SCIN: variants seen among roughly 807,000 people sequenced by gnomAD.
The protein encoded by SCIN is adseverin.
A neutral mutation model predicts 91.8 loss-of-function variants in SCIN; 91 were observed. The ratio of observed to expected loss-of-function variants is 0.99; its 90% CI spans 0.84 to 1.18. The LOEUF (loss-of-function observed/expected upper bound fraction) is 1.18. SCIN is among the 50% of genes most tolerant of loss of function. The pLI, the probability that SCIN is intolerant of heterozygous loss-of-function variation, is 0.00. For missense variants in SCIN, 1,087 were observed against 863.9 expected, an observed-to-expected ratio of 1.26 and a Z score of -3.24; for synonymous variants, 367 against 312.6, an observed-to-expected ratio of 1.17 and a Z score of -1.84.
chr7:12,604,773 T>G, intron 4 of SCIN, 110 bp downstream of exon 4: 274 of 745,120 alleles, frequency 3.7e-4, no homozygotes, highest in Non-Finnish European at 5.3e-4. Flanking sequence ...GGGAAAGAGA[T>G]TCAACACATG....
intron 3 of SCIN, among the ~76,000 whole-genome samples, chr7:12,588,687 G>A (rs772440839): frequency 6.6e-6 from 1 of 151,634 alleles, no homozygotes; most frequent in Non-Finnish European, 1.5e-5. Flanking sequence ...CACGTTTCTC[G>A]TGACCTCCCC....
intron 1 of SCIN, among the ~76,000 whole-genome samples, chr7:12,575,862 T>A (rs1782359463): frequency 6.6e-6 from 1 of 152,180 alleles, no homozygotes; most frequent in Admixed American, 6.5e-5. Context: ...TGGATTTGAT[T>A]CTAATTTTCG....
At chr7:12,591,284 G>T (rs536394006) in intron 3 of SCIN, among the ~76,000 whole-genome samples, 4 of 152,152 alleles carry the variant, frequency 2.6e-5, no homozygotes, top group Non-Finnish European at 4.4e-5. Flanking sequence ...AGGAGGAAGG[G>T]AGCTTACTGC....
intron 4 of SCIN, among the ~76,000 whole-genome samples, chr7:12,605,152 C>T (rs967933413): frequency 2.0e-4 from 30 of 152,154 alleles, no homozygotes; most frequent in African/African-American, 6.5e-4. Context: ...CCCGGGTTCA[C>T]GCCATTCTCC....
rs1417064139 is a variant in SCIN at position 12,644,392 on chromosome 7, A to AGTC, written c.1759+78_1759+80dup. On this transcript the variant is annotated intron_variant, in intron 12 of 15. Coordinates refer to ENST00000297029, the MANE Select transcript of SCIN (RefSeq NM_001112706.3). Reference sequence around the variant, plus strand: ...GCTAATCATCTTTTTTTCACCAAAAAGTCACTTTCTAATGGCTTATAAGGG... The same window carrying AGTC: ...GCTAATCATCTTTTTTTCACCAAAAAGTCGTCACTTTCTAATGGCTTATAAGGG... 6.0e-6 allele frequency: 9 copies of AGTC among 1,494,822 alleles called. No homozygotes were observed. The Admixed American group carries it at 1.1e-4, about 18-fold the overall frequency. 92.6% of individuals were successfully genotyped at this position (1,494,822 alleles called of 1,614,324 possible).
At chr7:12,577,912 C>T (rs1782408862) in intron 1 of SCIN, among the ~76,000 whole-genome samples, 152 bp from the exon 2 acceptor site, 1 of 151,540 alleles carries the variant, frequency 6.6e-6, no homozygotes, top group African/African-American at 2.4e-5. Context: ...TAATGTATTA[C>T]ATACAGTATT....
chr7:12,604,154 C>A (rs750256596), intron 3 of SCIN, among the ~76,000 whole-genome samples: 7 of 151,904 alleles, frequency 4.6e-5, no homozygotes, highest in Non-Finnish European at 7.4e-5. Flanking sequence ...ATGTTATATC[C>A]ATTTTATGAT....
chr7:12,654,687 C>G lies in SCIN; in HGVS notation c.*1972C>G, dbSNP rs143283886. On this transcript the variant is annotated 3_prime_UTR_variant, in exon 16 of 16. Coordinates refer to ENST00000297029, the MANE Select transcript of SCIN (RefSeq NM_001112706.3). Reference sequence around the variant, plus strand: ...GTACACTGTATTTTACGATGTTTCTCTAGTTTAGCCAGTGGTTTTTCTCAT... The same window carrying G: ...GTACACTGTATTTTACGATGTTTCTGTAGTTTAGCCAGTGGTTTTTCTCAT... 3 of 152,240 alleles carry G rather than the reference C, an allele frequency of 2.0e-5. No individual in the cohort carries two copies. In the East Asian group the frequency reaches 5.8e-4, roughly 29 times the overall value. 9.4% of individuals were successfully genotyped at this position (152,240 alleles called of 1,614,324 possible).
At position 12,628,977 on chromosome 7, in the gene SCIN, T is replaced by C. The variant is rs573478162; in HGVS notation, c.1198-124T>C. 4 of 790,368 alleles carry C rather than the reference T, an allele frequency of 5.1e-6. No individual in the cohort carries two copies. In the African/African-American group the frequency reaches 7.0e-5, roughly 14 times the overall value. 49.0% of individuals were successfully genotyped at this position (790,368 alleles called of 1,614,324 possible). A position where few individuals can be genotyped will look rare whatever the true frequency, so the allele number is the denominator to read the frequency against. ...CAATTTCTTTGCTTGATTTGTAAAC[T>C]AGTTAATAAATAATTTAAAAGTTGT... On this transcript the variant is annotated intron_variant, in intron 8 of 15. Coordinates refer to ENST00000297029, the MANE Select transcript of SCIN (RefSeq NM_001112706.3).
At chr7:12,644,767 G>A in intron 13 of SCIN, 62 bp downstream of exon 13, 1 of 1,513,652 alleles carries the variant, frequency 6.6e-7, no homozygotes, top group Non-Finnish European at 8.9e-7. Context: ...TGTAATCCCA[G>A]CACTTTGGGA....
chr7:12,589,407 T>G (rs1782668713), intron 3 of SCIN: 1 of 152,142 alleles, frequency 6.6e-6, no homozygotes, highest in African/African-American at 2.4e-5. Context: ...CTATTTTTAG[T>G]AGAGACGGGG....
chr7:12,619,141 G>C (rs900203351), intron 4 of SCIN, among the ~76,000 whole-genome samples: 1 of 152,054 alleles, frequency 6.6e-6, no homozygotes, highest in African/African-American at 2.4e-5. Flanking sequence ...TTAGGACTTG[G>C]CACCAGCTTG....
chr7:12,587,280 T>A (rs1309198518), intron 3 of SCIN, among the ~76,000 whole-genome samples: 2 of 152,180 alleles, frequency 1.3e-5, no homozygotes, highest in African/African-American at 4.8e-5. Flanking sequence ...CAGTTTGAAC[T>A]TATCCTACCC....
rs1583315745 is a variant in SCIN, at chr7:12,636,131, T to G, written c.1406T>G (p.Val469Gly). The G allele has an allele frequency of 6.2e-7, 1 of 1,611,374 alleles. No individual in the cohort carries two copies. The highest frequency in any genetic ancestry group is 8.5e-7 in the Non-Finnish European group (1 of 1,178,718). ...GATCGGTCCCTTGGAGGACAGGCTG[T>G]GCAGGTTGGGATATTTTTACCCCCA... is the stretch of plus-strand genomic sequence containing the variant. ...QLDRSLGGQA[V>G]QIRVSQGKEP... Residue 469 changes from valine to glycine, a missense_variant, in exon 10 of 16, where the codon GTG becomes GGG. Transcript: ENST00000297029.
chr7:12,585,756 C>G (rs1261298285), intron 3 of SCIN, among the ~76,000 whole-genome samples: 1 of 152,184 alleles, frequency 6.6e-6, no homozygotes, highest in African/African-American at 2.4e-5. Flanking sequence ...TTCCTGTTCT[C>G]TTCATTGCTG....
chr7:12,641,550 A>G (rs1271930094), intron 11 of SCIN, among the ~76,000 whole-genome samples: 2 of 151,750 alleles, frequency 1.3e-5, no homozygotes, highest in Non-Finnish European at 2.9e-5. Flanking sequence ...TTATCTCACT[A>G]TTTCCATCTC....
Position 12,651,529 on chromosome 7 carries a change from A to G in SCIN, c.1960-312A>G, listed in dbSNP as rs1390112819. 1.3e-5 allele frequency among the ~76,000 whole-genome samples: 2 copies of G among 151,448 alleles called. No individual in the cohort carries two copies. Among genetic ancestry groups the G allele is most frequent in the Non-Finnish European group, 2.9e-5 (2 of 67,896 alleles). On this transcript the variant is annotated intron_variant, in intron 14 of 15. Coordinates refer to ENST00000297029, the MANE Select transcript of SCIN (RefSeq NM_001112706.3). This position sits in a 1 kb window ranked among gnomAD's most constrained non-coding sequence, Gnocchi z 5.9. ...CACCCTAGGGGGTGGATGAAAAAAA[A>G]AAGTCCACCCAGACAATCTGTTTTT...
intron 4 of SCIN, among the ~76,000 whole-genome samples, chr7:12,605,358 T>C (rs1275723617): frequency 6.6e-6 from 1 of 152,162 alleles, no homozygotes; most frequent in African/African-American, 2.4e-5. Flanking sequence ...CTTCTCAGGG[T>C]TTTTTTCAAA....
intron 3 of SCIN, among the ~76,000 whole-genome samples, chr7:12,598,494 G>C (rs1450553376): frequency 6.6e-6 from 1 of 152,144 alleles, no homozygotes; most frequent in South Asian, 2.1e-4. Context: ...ACACATGGTG[G>C]AATATACATT....
Sources: gnomAD v4.1 joint callset for allele counts (sites outside exome capture counted in the v4.1 genomes callset) on GRCh38, gnomAD v4.1.1 for gene constraint, Gnocchi (gnomAD v3.1) non-coding constraint, MANE v1.5 for transcripts, NCBI Gene and HGNC (gene_info 2026-07-23, HGNC 2026-07-21) for gene names.